Variants in LANCL3 observed in about 807,000 individuals in gnomAD.
LANCL3 encodes LanC like family member 3.
A neutral mutation model predicts 26.5 loss-of-function variants in LANCL3; 19 were observed. That is an observed-to-expected ratio of 0.72 (90% CI 0.50 to 1.05). The LOEUF (loss-of-function observed/expected upper bound fraction) is 1.05. Among genes scored for constraint, LANCL3 ranks in the 50% least tolerant of loss-of-function variants. LANCL3 has a pLI of 0.00. For synonymous variants in LANCL3, 160 were observed against 166.6 expected, an observed-to-expected ratio of 0.96 and a Z score of 0.30; for missense variants, 318 against 362.7, an observed-to-expected ratio of 0.88 and a Z score of 1.00.
intron 1 of LANCL3, among the ~76,000 whole-genome samples, chrX:37,627,044 A>T (rs1925334014): frequency 8.9e-6 from 1 of 111,917 alleles, no homozygotes; most frequent in Non-Finnish European, 1.9e-5. Context: ...ATGTAGGTAG[A>T]CTATGATTTT....
At chrX:37,602,638 T>C (rs1924602367) in intron 1 of LANCL3, among the ~76,000 whole-genome samples, 1 of 111,894 alleles carries the variant, frequency 8.9e-6, no homozygotes, top group African/African-American at 3.2e-5. Flanking sequence ...TTAGATTTGA[T>C]TGGAGTAGGA....
Position 37,655,916 on chromosome X carries a change from A to G in LANCL3, c.697+105A>G, listed in dbSNP as rs782201540. The G allele has an allele frequency of 2.8e-5, 18 of 649,569 alleles. No homozygotes were observed. The Middle Eastern group carries it at 1.4e-3, about 49-fold the overall frequency. 53.5% of individuals were successfully genotyped at this position (649,569 alleles called of 1,213,427 possible). A position where few individuals can be genotyped will look rare whatever the true frequency, so the allele number is the denominator to read the frequency against. ...TTTTTGCCATAGGTCATTACTAGTC[A>G]TTTAATAAGAAATACTTTAAAATTT... is the stretch of plus-strand genomic sequence containing the variant. On this transcript the variant is annotated intron_variant, in intron 2 of 4. Coordinates refer to ENST00000378619, the MANE Select transcript of LANCL3 (RefSeq NM_001170331.2).
At chrX:37,649,721 T>G (rs1485691772) in intron 1 of LANCL3, among the ~76,000 whole-genome samples, 3 of 111,134 alleles carry the variant, frequency 2.7e-5, no homozygotes, top group African/African-American at 9.9e-5. Flanking sequence ...AGCATATACC[T>G]CTTAGAGATA....
intron 1 of LANCL3, among the ~76,000 whole-genome samples, chrX:37,590,600 C>G (rs1229771858): frequency 8.9e-6 from 1 of 112,113 alleles, no homozygotes; most frequent in African/African-American, 3.2e-5. Flanking sequence ...ATGTTAACAA[C>G]TACACTACTC....
chrX:37,628,047 A>C (rs1379432485), intron 1 of LANCL3, among the ~76,000 whole-genome samples: 4 of 112,013 alleles, frequency 3.6e-5, no homozygotes, highest in Non-Finnish European at 7.5e-5. Flanking sequence ...ACCACACCTT[A>C]CTGTTGAGAT....
chrX:37,590,075 T>C (rs1450308058), intron 1 of LANCL3, among the ~76,000 whole-genome samples: 3 of 112,787 alleles, frequency 2.7e-5, no homozygotes, highest in African/African-American at 6.4e-5. Context: ...GATTTGTGCT[T>C]CTTGGAGTAA....
intron 1 of LANCL3, among the ~76,000 whole-genome samples, chrX:37,615,767 C>T (rs1357063382): frequency 9.0e-6 from 1 of 111,509 alleles, no homozygotes; most frequent in Non-Finnish European, 1.9e-5. Context: ...AGCAAGTTTT[C>T]GTTGAGGATA....
At chrX:37,605,275 A>G (rs1924677715) in intron 1 of LANCL3, among the ~76,000 whole-genome samples, 2 of 111,887 alleles carry the variant, frequency 1.8e-5, no homozygotes, top group Admixed American at 1.9e-4. Context: ...AAAGCAAAAA[A>G]AAGATGGGAT....
At chrX:37,607,988 A>T (rs782490214) in intron 1 of LANCL3, among the ~76,000 whole-genome samples, 1 of 112,348 alleles carries the variant, frequency 8.9e-6, no homozygotes, top group South Asian at 3.7e-4. Flanking sequence ...AGACTGGGTT[A>T]GCCATTCCTG....
chrX:37,615,725 G>A (rs1924987578), intron 1 of LANCL3, among the ~76,000 whole-genome samples: 1 of 111,221 alleles, frequency 9.0e-6, no homozygotes, highest in South Asian at 3.8e-4. Context: ...TTCCACCCTT[G>A]CTGTTAGCAG....
chrX:37,599,455 G>C (rs1421674985), intron 1 of LANCL3, among the ~76,000 whole-genome samples: 7 of 111,747 alleles, frequency 6.3e-5, no homozygotes, highest in African/African-American at 1.6e-4. Flanking sequence ...AAGTTGCTAG[G>C]TGATGCCAGT....
chrX:37,631,072 A>G (rs1196608793), intron 1 of LANCL3, among the ~76,000 whole-genome samples: 2 of 111,627 alleles, frequency 1.8e-5, no homozygotes, highest in African/African-American at 3.3e-5. Flanking sequence ...CTGTGAATCC[A>G]TCTGGTCCTG....
At chrX:37,660,352 C>G (rs1322782260) in intron 3 of LANCL3, among the ~76,000 whole-genome samples, 6 of 111,543 alleles carry the variant, frequency 5.4e-5, no homozygotes, top group Non-Finnish European at 9.4e-5. Flanking sequence ...ATGCACTGTT[C>G]TACAACTTCT....
At chrX:37,670,706 C>T (rs1926660512) in intron 4 of LANCL3, among the ~76,000 whole-genome samples, 1 of 110,787 alleles carries the variant, frequency 9.0e-6, no homozygotes, top group Non-Finnish European at 1.9e-5. Context: ...GTCAATTTGT[C>T]ATATTTTTAA....
At chrX:37,672,627 G>T (rs781969011) in intron 4 of LANCL3, among the ~76,000 whole-genome samples, 208 of 111,970 alleles carry the variant, frequency 1.9e-3, no homozygotes, top group African/African-American at 6.4e-3. Context: ...TTTGGCTTAG[G>T]TGTGATCTGA....
In LANCL3 at chrX:37,571,695, T is replaced by C. The variant is rs782338197; in HGVS notation, c.-176T>C. ...CCTCGCGGCAGCCCGGCGCCCCACT[T>C]GGCCATCCGCTCCTTGCCCGCCTCC... On this transcript the variant is annotated 5_prime_UTR_variant, in exon 1 of 5. Transcript: ENST00000378619. The C allele has an allele frequency of 2.0e-5, 8 of 397,565 alleles. No homozygotes were observed. The highest frequency in any genetic ancestry group is 1.9e-4 in the African/African-American group (7 of 37,395). 32.8% of individuals were successfully genotyped at this position (397,565 alleles called of 1,213,427 possible).
At chrX:37,645,642 T>G (rs2146770432) in intron 1 of LANCL3, among the ~76,000 whole-genome samples, 1 of 112,383 alleles carries the variant, frequency 8.9e-6, no homozygotes, top group East Asian at 2.8e-4. Flanking sequence ...TCTCGCTGCC[T>G]TGAATGTCGT....
chrX:37,604,273 C>T (rs1556420333), intron 1 of LANCL3, among the ~76,000 whole-genome samples: 1 of 112,464 alleles, frequency 8.9e-6, no homozygotes, highest in Non-Finnish European at 1.9e-5. Flanking sequence ...TGGCCTCCCT[C>T]CAAGTCTTTC....
At position 37,683,476 on chromosome X, in the gene LANCL3, T is replaced by C; in HGVS notation, c.*7663T>C. The C allele has an allele frequency of 8.9e-6, 1 of 112,379 alleles. No homozygotes were observed. Among genetic ancestry groups the C allele is most frequent in the East Asian group, 2.8e-4 (1 of 3,622 alleles). 9.3% of individuals were successfully genotyped at this position (112,379 alleles called of 1,213,427 possible). On this transcript the variant is annotated 3_prime_UTR_variant, in exon 5 of 5. Transcript: ENST00000378619. ...AAAAATAATAGTGATTGGTTGTTAC[T>C]ACTTTAAAATCCTACTAATTTCCAT...
Sources: allele counts gnomAD v4.1 joint callset (sites outside exome capture counted in the v4.1 genomes callset), GRCh38; gene constraint gnomAD v4.1.1; transcripts MANE v1.5; gene names NCBI Gene and HGNC (gene_info 2026-07-23, HGNC 2026-07-21).